The following SEPTIN5 variants were observed in gnomAD, a reference collection of about 807,000 sequenced individuals.
SEPTIN5 encodes septin 5, also known as septin-5.
A neutral mutation model predicts 51.2 loss-of-function variants in SEPTIN5; 16 were observed. The observed-to-expected ratio is 0.31, with a 90% confidence interval of 0.21 to 0.47. The LOEUF (loss-of-function observed/expected upper bound fraction) is 0.47, where lower values mean the gene tolerates loss of function less well. Ranked by LOEUF, SEPTIN5 falls within the 20% of genes least tolerant of loss-of-function variation. The pLI is 0.99. For synonymous variants in SEPTIN5, 208 were observed against 191.2 expected, an observed-to-expected ratio of 1.09 and a Z score of -0.72; for missense variants, 376 against 500.3, an observed-to-expected ratio of 0.75 and a Z score of 2.37.
chr22:19,714,808 G>C lies in SEPTIN5; in HGVS notation c.54+17G>C. The C allele has an allele frequency of 1.2e-5, 19 of 1,588,666 alleles. No homozygotes were observed. The highest frequency in any genetic ancestry group is 1.6e-5 in the Non-Finnish European group (19 of 1,173,984). On this transcript the variant is annotated intron_variant, in intron 2 of 11. Transcript: ENST00000455784. The surrounding 1 kb of genome is among the most constrained non-coding windows in gnomAD (Gnocchi z 5.2). Reference sequence around the variant, plus strand: ...GACAAGCAGGTACGTGCGCAGCGCCGCTCCCCCGCCGGGAGACCCGGCCGG... The same window carrying C: ...GACAAGCAGGTACGTGCGCAGCGCCCCTCCCCCGCCGGGAGACCCGGCCGG...
rs1936089790 is a variant in SEPTIN5, at chr22:19,723,261, C to T, written c.*777C>T. 1 of 681,470 alleles carries T rather than the reference C, an allele frequency of 1.5e-6. No homozygotes were observed. Among genetic ancestry groups the T allele is most frequent in the South Asian group, 1.5e-5 (1 of 66,562 alleles). The allele number at this position is 681,470 out of a possible 1,614,324, so 42.2% of individuals were successfully genotyped here. A position where few individuals can be genotyped will look rare whatever the true frequency, so the allele number is the denominator to read the frequency against. On this transcript the variant is annotated 3_prime_UTR_variant, in exon 12 of 12. Transcript: ENST00000455784. ...TTCCCGCCACACGATGCTCCGTTTT[C>T]TTCCGTTGTGAATGCCGCGTCCTGT...
Position 19,722,668 on chromosome 22 carries a change from A to T in SEPTIN5, c.*184A>T. ...GGGGCCTGGACCGTAGCCCCCGCCC[A>T]GCTGGCCCTCTCTGACCTTGGGGGA... On this transcript the variant is annotated 3_prime_UTR_variant, in exon 12 of 12. Coordinates refer to ENST00000455784, the MANE Select transcript of SEPTIN5 (RefSeq NM_002688.6). The T allele has an allele frequency of 1.5e-6, 1 of 674,510 alleles. No homozygotes were observed. Among genetic ancestry groups the T allele is most frequent in the Non-Finnish European group, 2.5e-6 (1 of 402,408 alleles). The allele number at this position is 674,510 out of a possible 1,614,324, so 41.8% of individuals were successfully genotyped here. A position where few individuals can be genotyped will look rare whatever the true frequency, so the allele number is the denominator to read the frequency against.
At position 19,719,800 on chromosome 22, in the gene SEPTIN5, G is replaced by A; in HGVS notation, c.152-6G>A. The A allele has an allele frequency of 1.2e-6, 2 of 1,612,806 alleles. No individual in the cohort carries two copies. The highest frequency in any genetic ancestry group is 1.7e-6 in the Non-Finnish European group (2 of 1,179,784). On this transcript the variant is annotated splice_region_variant and splice_polypyrimidine_tract_variant and intron_variant, in intron 3 of 11. Coordinates refer to ENST00000455784, the MANE Select transcript of SEPTIN5 (RefSeq NM_002688.6). ...AACGCAGCTCCTTCTCTGTACCTGTGTGCAGGTGAGTCAGGCCTGGGGAAG... is the reference window on the plus strand; with the variant it reads ...AACGCAGCTCCTTCTCTGTACCTGTATGCAGGTGAGTCAGGCCTGGGGAAG...
chr22:19,716,982 G>A (rs1226760242), intron 2 of SEPTIN5, among the ~76,000 whole-genome samples: 1 of 152,222 alleles, frequency 6.6e-6, no homozygotes, highest in Non-Finnish European at 1.5e-5. Context: ...CTGGCAGCAA[G>A]GACTGAGGGA....
rs1445654740 is a variant in SEPTIN5 at position 19,719,895 on chromosome 22, G to A, written c.238+3G>A. ...CCGGAAGCTGCTCAGTGCTGAGGGT[G>A]AGTGGCCCCCAGGAGGCCCTGGCAC... On this transcript the variant is annotated splice_donor_region_variant and intron_variant, in intron 4 of 11. Coordinates refer to ENST00000455784, the MANE Select transcript of SEPTIN5 (RefSeq NM_002688.6). 2 of 1,612,450 alleles carry A rather than the reference G, an allele frequency of 1.2e-6. No homozygotes were observed. The highest frequency in any genetic ancestry group is 2.2e-5 in the East Asian group (1 of 44,902).
Position 19,718,570 on chromosome 22 carries a change from G to A in SEPTIN5, c.55-1032G>A, listed in dbSNP as rs367945590. The A allele has an allele frequency of 1.8e-5, 23 of 1,289,250 alleles. No individual in the cohort carries two copies. The African/African-American group carries it at 2.1e-4, about 12-fold the overall frequency. 79.9% of individuals were successfully genotyped at this position (1,289,250 alleles called of 1,614,324 possible). On this transcript the variant is annotated intron_variant, in intron 2 of 11. Coordinates refer to ENST00000455784, the MANE Select transcript of SEPTIN5 (RefSeq NM_002688.6). ...CGGCCTCGGGGGTCGACGATCCCCC[G>A]GGTAGGCGACGTGCCCTGTCCAGGC...
At chr22:19,719,956 G>A in intron 4 of SEPTIN5, 64 bp downstream of exon 4, 1 of 1,605,210 alleles carries the variant, frequency 6.2e-7, no homozygotes, top group Non-Finnish European at 8.5e-7. Context: ...CCTCTCCAAG[G>A]ACTCCCTTTC....
intron 2 of SEPTIN5, among the ~76,000 whole-genome samples, chr22:19,715,933 A>G (rs923686362): frequency 2.0e-5 from 3 of 152,200 alleles, no homozygotes; most frequent in African/African-American, 7.2e-5. Context: ...TTTGAGGGAA[A>G]TGGAAGGAAC....
At position 19,722,246 on chromosome 22, in the gene SEPTIN5, C is replaced by T. The variant is rs1440857761; in HGVS notation, c.960C>T (p.Thr320=). Residue 320 remains threonine, a synonymous_variant, in exon 11 of 12, where the codon ACC becomes ACT. Transcript: ENST00000455784. ...HCIQQMTSKL[T]QDSRMESPIP... ...CCCCCGCCCCGCGCAGCAAACTGAC[C>T]CAGGACAGCCGCATGGAGAGCCCCA... 17 of 1,607,448 alleles carry T rather than the reference C, an allele frequency of 1.1e-5. No homozygotes were observed. Among genetic ancestry groups the T allele is most frequent in the Non-Finnish European group, 1.3e-5 (15 of 1,177,664 alleles).
At chr22:19,715,982 TCTC>T (rs1410224794) in intron 2 of SEPTIN5, among the ~76,000 whole-genome samples, 5 of 152,146 alleles carry the variant, frequency 3.3e-5, no homozygotes, top group African/African-American at 1.2e-4. Context: ...CCCTGAGGCT[TCTC>T]CTGTGCCTGC....
At position 19,722,605 on chromosome 22, in the gene SEPTIN5, A is replaced by G; in HGVS notation, c.*121A>G. On this transcript the variant is annotated 3_prime_UTR_variant, in exon 12 of 12. Transcript: ENST00000455784. The stretch of plus-strand genomic sequence containing the variant: ...CCCCAGCTGACCCTAATTTATTCTC[A>G]GCACCACCCCCTCCCAGGTCATTGT... 3.0e-6 allele frequency: 3 copies of G among 1,015,244 alleles called. No individual in the cohort carries two copies. Among genetic ancestry groups the G allele is most frequent in the Non-Finnish European group, 4.4e-6 (3 of 681,418 alleles). 62.9% of individuals were successfully genotyped at this position (1,015,244 alleles called of 1,614,324 possible). A position where few individuals can be genotyped will look rare whatever the true frequency, so the allele number is the denominator to read the frequency against.
At position 19,714,727 on chromosome 22, in the gene SEPTIN5, GC is replaced by G; in HGVS notation, c.44-51del. ...CTCTCCGTCTCTCCCCCGCCCGCCG[GC>G]CCGGACCCGCTCGGAACCGGACCCG... On this transcript the variant is annotated intron_variant, in intron 1 of 11. Coordinates refer to ENST00000455784, the MANE Select transcript of SEPTIN5 (RefSeq NM_002688.6). This position sits in a 1 kb window ranked among gnomAD's most constrained non-coding sequence, Gnocchi z 5.2. 2 of 1,565,466 alleles carry G rather than the reference GC, an allele frequency of 1.3e-6. No homozygotes were observed. Among genetic ancestry groups the G allele is most frequent in the Admixed American group, 1.8e-5 (1 of 55,444 alleles).
At position 19,722,237 on chromosome 22, in the gene SEPTIN5, C is replaced by T; in HGVS notation, c.951C>T (p.Ser317=). The T allele has an allele frequency of 6.2e-7, 1 of 1,600,218 alleles. No homozygotes were observed. Among genetic ancestry groups the T allele is most frequent in the Non-Finnish European group, 8.5e-7 (1 of 1,173,374 alleles). The change falls in exon 11 of 12, where the codon AGC becomes AGT. Residue 317 remains serine (S), a splice_region_variant and synonymous_variant. Transcript: ENST00000455784. ...YRAHCIQQMT[S]KLTQDSRMES... is the part of the protein sequence containing the mutation. ...CCATCCTCCCCCCCGCCCCGCGCAG[C>T]AAACTGACCCAGGACAGCCGCATGG...
At chr22:19,719,133 C>G (rs887336836) in intron 2 of SEPTIN5, 126 of 256,916 alleles carry the variant, frequency 4.9e-4, no homozygotes, top group Middle Eastern at 1.1e-3. Context: ...AGGCGCTGCT[C>G]CGCCACCGCC....
intron 2 of SEPTIN5, chr22:19,718,981 C>A: frequency 1.5e-6 from 1 of 660,848 alleles, no homozygotes; most frequent in Non-Finnish European, 2.1e-6. Context: ...GGGCGACGTG[C>A]CCTGTCCAGG....
intron 4 of SEPTIN5, 68 bp from the exon 5 acceptor site, chr22:19,720,047 G>A (rs1935994513): frequency 1.2e-6 from 2 of 1,609,766 alleles, no homozygotes; most frequent in Non-Finnish European, 1.7e-6. Context: ...ATGAGGACGA[G>A]GGTCCTGGCT....
intron 4 of SEPTIN5, 52 bp from the exon 5 acceptor site, chr22:19,720,063 G>C: frequency 6.2e-7 from 1 of 1,611,234 alleles, no homozygotes; most frequent in African/African-American, 1.3e-5. Flanking sequence ...TGGCTGCCAA[G>C]GGTGAGGGGC....
At position 19,723,039 on chromosome 22, in the gene SEPTIN5, G is replaced by A. The variant is rs529619925; in HGVS notation, c.*555G>A. ...AGGAGGCCAGAGGCTGCAAGGAGCG[G>A]GGTCGTGACCGCTTACACCCCTTCT... On this transcript the variant is annotated 3_prime_UTR_variant, in exon 12 of 12. Transcript: ENST00000455784. 6.3e-6 allele frequency: 3 copies of A among 477,652 alleles called. No homozygotes were observed. The highest frequency in any genetic ancestry group is 3.8e-5 in the African/African-American group (2 of 52,058). The allele number at this position is 477,652 out of a possible 1,614,324, so 29.6% of individuals were successfully genotyped here.
chr22:19,720,307 C>T lies in SEPTIN5; in HGVS notation c.363-13C>T, dbSNP rs1366430715. The stretch of plus-strand genomic sequence containing the variant: ...GCACTCGAGGCCTGGCCTCACCTCC[C>T]TCCTGCCCACAGCTGGAAGCCCATC... On this transcript the variant is annotated splice_polypyrimidine_tract_variant and intron_variant, in intron 5 of 11. Coordinates refer to ENST00000455784, the MANE Select transcript of SEPTIN5 (RefSeq NM_002688.6). The T allele has an allele frequency of 6.2e-7, 1 of 1,613,574 alleles. No homozygotes were observed. The highest frequency in any genetic ancestry group is 8.5e-7 in the Non-Finnish European group (1 of 1,179,858).
Sources: allele counts gnomAD v4.1 joint callset (sites outside exome capture counted in the v4.1 genomes callset), GRCh38; gene constraint gnomAD v4.1.1; non-coding constraint Gnocchi (gnomAD v3.1); transcripts MANE v1.5; gene names NCBI Gene and HGNC (gene_info 2026-07-23, HGNC 2026-07-21).